Variants in CHD6 observed in about 807,000 individuals in gnomAD.
CHD6 encodes chromodomain helicase DNA binding protein 6, also known as ATP-dependent chromatin remodeler CHD6.
A neutral mutation model predicts 276.9 loss-of-function variants in CHD6; 50 were observed. That is an observed-to-expected ratio of 0.18 (90% confidence interval 0.14 to 0.23). The LOEUF is 0.23. Ranked by LOEUF, CHD6 falls within the 10% of genes least tolerant of loss-of-function variation. The probability of loss-of-function intolerance (pLI) is 1.00; values close to 1 mark genes in which losing one functional copy is unlikely to be tolerated. For synonymous variants in CHD6, 1,173 were observed against 1,229.3 expected (o/e 0.95, Z 0.96); for missense variants, 2,564 against 3,365.8 (o/e 0.76, Z 5.89).
intron 5 of CHD6, among the ~76,000 whole-genome samples, chr20:41,504,638 A>C (rs1010620030): frequency 6.6e-6 from 1 of 151,976 alleles, no homozygotes; most frequent in Non-Finnish European, 1.5e-5. Context: ...TCGAAATTCT[A>C]AGCTCAAAGC....
intron 16 of CHD6, chr20:41,482,526 G>T (rs746314064): frequency 2.0e-6 from 1 of 512,694 alleles, no homozygotes. Context: ...CCCGAGATTT[G>T]CTATGAAAAC....
Position 41,420,958 on chromosome 20 carries a change from G to C in CHD6, c.5677C>G (p.Leu1893Val). The C allele has an allele frequency of 6.2e-7, 1 of 1,614,196 alleles. No individual in the cohort carries two copies. The highest frequency in any genetic ancestry group is 2.2e-5 in the East Asian group (1 of 44,888). ...GMGERPEVLH[L>V]TEPTTNISRE... ...GAGATGTTAGTAGTGGGCTCCGTGA[G>C]ATGCAATACCTCTGGCCTTTCCCCC... The change falls in exon 31 of 37, where the codon CTC (leucine) becomes GTC (valine). Residue 1893 changes from leucine to valine, a missense_variant. Around this residue, in one of 7 missense-constraint regions of CHD6, gnomAD observed 1,024 missense variants for 1,047.9 expected, o/e 0.98. Coordinates refer to ENST00000373233, the MANE Select transcript of CHD6 (RefSeq NM_032221.5).
intron 20 of CHD6, among the ~76,000 whole-genome samples, chr20:41,453,231 C>G (rs373227731): frequency 1.2e-4 from 19 of 152,096 alleles, no homozygotes; most frequent in Admixed American, 3.3e-4. Flanking sequence ...AGGCCCCCCC[C>G]CAGTGACCAA....
intron 1 of CHD6, among the ~76,000 whole-genome samples, chr20:41,555,505 C>G (rs555734029): frequency 6.6e-6 from 1 of 151,740 alleles, no homozygotes; most frequent in East Asian, 2.0e-4. Flanking sequence ...GGGCTCCTCA[C>G]TTCTCAGATG....
chr20:41,535,348 G>A (rs988914079), intron 2 of CHD6, among the ~76,000 whole-genome samples: 2 of 152,144 alleles, frequency 1.3e-5, no homozygotes, highest in East Asian at 3.8e-4. Context: ...AATCCCACAG[G>A]GTCAATATGA....
intron 34 of CHD6, chr20:41,414,906 T>C (rs2046947566): frequency 1.5e-6 from 2 of 1,293,644 alleles, no homozygotes. Flanking sequence ...CCGTCAACAG[T>C]GGCTCTTCTG....
chr20:41,462,428 T>C (rs762355103), intron 17 of CHD6, among the ~76,000 whole-genome samples: 1 of 152,226 alleles, frequency 6.6e-6, no homozygotes, highest in East Asian at 1.9e-4. Flanking sequence ...CTGCTAAGTA[T>C]GTATAGTGTT....
rs1259085549 is a variant in CHD6, at chr20:41,498,813, G to GTA, written c.915+481_915+482insTA. On this transcript the variant is annotated intron_variant, in intron 6 of 36. Coordinates refer to ENST00000373233, the MANE Select transcript of CHD6 (RefSeq NM_032221.5). ...TGTATGTATGTATGTATGTATGTAT[G>GTA]TGTGTGTGTGTGTGTGTGTGTGTGT... Among the ~76,000 whole-genome samples the GTA allele has an allele frequency of 5.6e-3, 366 of 65,052 alleles. 1 individual carries two copies. Among genetic ancestry groups the GTA allele is most frequent in the East Asian group, 0.016 (30 of 1,918 alleles). The allele number at this position is 65,052 out of a possible 152,430, so 42.7% of individuals were successfully genotyped here.
At chr20:41,490,754 A>G (rs2043532430) in intron 11 of CHD6, among the ~76,000 whole-genome samples, 1 of 152,130 alleles carries the variant, frequency 6.6e-6, no homozygotes, top group Admixed American at 6.5e-5. Flanking sequence ...CGGAGGTTGC[A>G]GAGAGCTGAG....
intron 1 of CHD6, among the ~76,000 whole-genome samples, chr20:41,576,652 C>T (rs1208542963): frequency 2.0e-5 from 3 of 152,122 alleles, no homozygotes; most frequent in Non-Finnish European, 4.4e-5. Context: ...CCAGCCTGGG[C>T]GACAGAGCAA....
At chr20:41,530,786 AT>A (rs2044665371) in intron 3 of CHD6, among the ~76,000 whole-genome samples, 1 of 152,220 alleles carries the variant, frequency 6.6e-6, no homozygotes, top group Non-Finnish European at 1.5e-5. Flanking sequence ...GAGAAAGCTC[AT>A]GTAACTTGTC....
chr20:41,468,963 G>C (rs952451497), intron 17 of CHD6, among the ~76,000 whole-genome samples: 26 of 152,186 alleles, frequency 1.7e-4, no homozygotes, highest in African/African-American at 6.0e-4. Context: ...CTGCACTCTA[G>C]CCTGGATAAC....
rs2043115672 is a variant in CHD6 at position 41,473,948 on chromosome 20, T to G, written c.2469-431A>C. ...GTGCTCACAAAAAGGACTCAGAGTT[T>G]TCATCAGTTTCCAGCTACTTTAGGG... On this transcript the variant is annotated intron_variant, in intron 16 of 36. Coordinates refer to ENST00000373233, the MANE Select transcript of CHD6 (RefSeq NM_032221.5). The surrounding 1 kb of genome is among the most constrained non-coding windows in gnomAD (Gnocchi z 4.1). Among the ~76,000 whole-genome samples, 1 of 152,220 alleles carries G rather than the reference T, an allele frequency of 6.6e-6. No homozygotes were observed. Among genetic ancestry groups the G allele is most frequent in the Non-Finnish European group, 1.5e-5 (1 of 68,038 alleles).
chr20:41,421,427 G>T lies in CHD6; in HGVS notation c.5208C>A (p.Thr1736=). Residue 1736 remains threonine (T), a synonymous_variant, in exon 31 of 37, where the codon ACC becomes ACA. Coordinates refer to ENST00000373233, the MANE Select transcript of CHD6 (RefSeq NM_032221.5). ...AGTTCCCATCTTTGCTTATTGAGAT[G>T]GTAATAACATCTTTTCTAGATTCAG... ...TNTESRKDVI[T]ISISKDGNCQ... 6.2e-7 allele frequency: 1 copy of T among 1,614,150 alleles called. No homozygotes were observed. Among genetic ancestry groups the T allele is most frequent in the Non-Finnish European group, 8.5e-7 (1 of 1,180,030 alleles).
intron 1 of CHD6, among the ~76,000 whole-genome samples, chr20:41,575,163 A>G (rs1484730011): frequency 1.3e-5 from 2 of 152,210 alleles, no homozygotes; most frequent in Non-Finnish European, 2.9e-5. Context: ...TAAACCCCAG[A>G]AAGTTTTGTA....
chr20:41,561,676 C>T (rs1187239951), intron 1 of CHD6, among the ~76,000 whole-genome samples: 1 of 152,148 alleles, frequency 6.6e-6, no homozygotes, highest in Admixed American at 6.5e-5. Context: ...GTTTTTAAGA[C>T]CTTCATGTCT....
At chr20:41,563,713 A>G (rs1184056842) in intron 1 of CHD6, among the ~76,000 whole-genome samples, 2 of 152,216 alleles carry the variant, frequency 1.3e-5, no homozygotes, top group African/African-American at 4.8e-5. Flanking sequence ...CATATATCAC[A>G]TTGTAAGGTA....
At chr20:41,568,887 G>A (rs1183671607) in intron 1 of CHD6, among the ~76,000 whole-genome samples, 2 of 152,160 alleles carry the variant, frequency 1.3e-5, no homozygotes, top group Non-Finnish European at 2.9e-5. Flanking sequence ...GGCACCTCCT[G>A]CACTTTCCTT....
intron 33 of CHD6, among the ~76,000 whole-genome samples, chr20:41,416,383 A>T (rs1273612853): frequency 6.6e-6 from 1 of 152,118 alleles, no homozygotes; most frequent in Non-Finnish European, 1.5e-5. Context: ...CTCTGCTTTC[A>T]TCATGCCTTC....
Sources: gnomAD v4.1 joint callset for allele counts (sites outside exome capture counted in the v4.1 genomes callset) on GRCh38, gnomAD v4.1.1 for gene constraint, gnomAD v4.1.1 regional missense constraint, Gnocchi (gnomAD v3.1) non-coding constraint, MANE v1.5 for transcripts, NCBI Gene and HGNC (gene_info 2026-07-23, HGNC 2026-07-21) for gene names.